Variants in XIRP2 observed in about 807,000 individuals in gnomAD.
XIRP2 encodes the protein xin actin binding repeat containing 2, also known as xin actin-binding repeat-containing protein 2.
Under a neutral mutation model 277.0 loss-of-function variants are expected in XIRP2, and 236 were observed. The observed-to-expected ratio is 0.85, with a 90% CI of 0.77 to 0.95. The LOEUF (loss-of-function observed/expected upper bound fraction) is 0.95, where lower values mean the gene tolerates loss of function less well. Ranked by LOEUF, XIRP2 falls within the 40% of genes least tolerant of loss-of-function variation. XIRP2 has a pLI of 0.00. For missense variants in XIRP2, 4,640 were observed against 4,157.5 expected (o/e 1.12, Z -3.19); for synonymous variants, 1,490 against 1,416.5 (o/e 1.05, Z -1.17).
At chr2:167,082,731 T>A (rs1366706710) in intron 2 of XIRP2, among the ~76,000 whole-genome samples, 7 of 152,382 alleles carry the variant, frequency 4.6e-5, no homozygotes, top group Admixed American at 1.3e-4. Context: ...TTTGGCTGCA[T>A]AAATGTCTTC....
chr2:167,048,448 AATATC>A (rs1225882550), intron 2 of XIRP2, among the ~76,000 whole-genome samples: 3 of 152,116 alleles, frequency 2.0e-5, no homozygotes, highest in Non-Finnish European at 4.4e-5. Flanking sequence ...CTAATAATCC[AATATC>A]AAGGTCACTT....
chr2:167,191,791 G>T (rs1693345204), intron 3 of XIRP2, among the ~76,000 whole-genome samples: 1 of 152,136 alleles, frequency 6.6e-6, no homozygotes, highest in Non-Finnish European at 1.5e-5. Flanking sequence ...CGAATAGTAT[G>T]CAGATTATAT....
At chr2:166,909,061 G>A (rs1013873676) in intron 2 of XIRP2, among the ~76,000 whole-genome samples, 22 of 152,132 alleles carry the variant, frequency 1.4e-4, no homozygotes, top group Non-Finnish European at 3.1e-4. Flanking sequence ...GATGCCTCCA[G>A]CTTTGTTCTT....
intron 2 of XIRP2, among the ~76,000 whole-genome samples, chr2:167,025,406 C>T (rs986813960): frequency 1.6e-4 from 24 of 152,128 alleles, no homozygotes; most frequent in Admixed American, 6.6e-5. Flanking sequence ...AAAAAACCAG[C>T]TGCTGGATTC....
chr2:167,184,601 A>G, intron 3 of XIRP2: 2 of 717,460 alleles, frequency 2.8e-6, no homozygotes, highest in Non-Finnish European at 5.2e-6. Flanking sequence ...AAAATTGACA[A>G]AGACCCCCAA....
At chr2:167,086,145 C>G (rs960000351) in intron 2 of XIRP2, among the ~76,000 whole-genome samples, 4 of 151,948 alleles carry the variant, frequency 2.6e-5, no homozygotes, top group African/African-American at 9.7e-5. Flanking sequence ...CTGGTGGTGA[C>G]AAAATCTCTC....
At chr2:167,210,592 C>T in intron 3 of XIRP2, 143 bp from the exon 4 acceptor site, 1 of 1,161,744 alleles carries the variant, frequency 8.6e-7, no homozygotes, top group Non-Finnish European at 1.2e-6. Flanking sequence ...AAGGAGATGA[C>T]CATGAGACAT....
intron 2 of XIRP2, among the ~76,000 whole-genome samples, chr2:167,061,350 T>G (rs1689169610): frequency 6.6e-6 from 1 of 152,174 alleles, no homozygotes; most frequent in Admixed American, 6.6e-5. Context: ...TTCTTTGCTT[T>G]GCCTTATTGC....
intron 3 of XIRP2, among the ~76,000 whole-genome samples, chr2:167,140,255 A>G (rs144403251): frequency 5.9e-5 from 9 of 152,320 alleles, no homozygotes; most frequent in Non-Finnish European, 8.8e-5. Flanking sequence ...GAGGCTTTGC[A>G]TTCTTTTTTC....
At chr2:167,022,238 C>T (rs1688003989) in intron 2 of XIRP2, among the ~76,000 whole-genome samples, 1 of 151,910 alleles carries the variant, frequency 6.6e-6, no homozygotes, top group Non-Finnish European at 1.5e-5. Flanking sequence ...CCTAAGACAA[C>T]GTCTATACCT....
At chr2:167,235,553 A>G (rs1438658583) in intron 5 of XIRP2, among the ~76,000 whole-genome samples, 1 of 151,930 alleles carries the variant, frequency 6.6e-6, no homozygotes, top group Non-Finnish European at 1.5e-5. Context: ...TGTGATAGAC[A>G]GAGTTCTGTT....
intron 2 of XIRP2, among the ~76,000 whole-genome samples, chr2:166,965,491 CAG>C (rs1315365287): frequency 1.3e-5 from 2 of 151,920 alleles, no homozygotes; most frequent in South Asian, 2.1e-4. Context: ...GAGAATATGA[CAG>C]AGTCACCTTT....
intron 4 of XIRP2, among the ~76,000 whole-genome samples, chr2:167,217,296 G>GA (rs959273664): frequency 1.4e-5 from 2 of 141,270 alleles, no homozygotes; most frequent in African/African-American, 5.5e-5. Context: ...AAAAAAAAAA[G>GA]AAAAAAAAAT....
At chr2:166,978,046 T>C (rs1218627023) in intron 2 of XIRP2, among the ~76,000 whole-genome samples, 1 of 152,188 alleles carries the variant, frequency 6.6e-6, no homozygotes, top group Non-Finnish European at 1.5e-5. Flanking sequence ...ATGTGTGTGA[T>C]TGTGTTTATG....
At chr2:167,120,279 G>A (rs1467294662) in intron 2 of XIRP2, among the ~76,000 whole-genome samples, 1 of 152,154 alleles carries the variant, frequency 6.6e-6, no homozygotes, top group Non-Finnish European at 1.5e-5. Context: ...CTAGCAGACA[G>A]CATAGTCGCC....
chr2:166,956,136 A>G (rs758123556), intron 2 of XIRP2, among the ~76,000 whole-genome samples: 3 of 151,722 alleles, frequency 2.0e-5, no homozygotes, highest in Non-Finnish European at 4.4e-5. Flanking sequence ...TGGGAGAGAG[A>G]AAGTGACACA....
chr2:166,946,441 CTGAT>C (rs1206347400), intron 2 of XIRP2, among the ~76,000 whole-genome samples: 1 of 152,084 alleles, frequency 6.6e-6, no homozygotes, highest in Non-Finnish European at 1.5e-5. Context: ...TTTTGTTACT[CTGAT>C]TGTTTGAGTT....
chr2:167,109,889 C>G (rs1690707501), intron 2 of XIRP2, among the ~76,000 whole-genome samples: 2 of 151,996 alleles, frequency 1.3e-5, no homozygotes, highest in Non-Finnish European at 2.9e-5. Context: ...GATGGTATCT[C>G]TTTGTGGTTT....
intron 2 of XIRP2, among the ~76,000 whole-genome samples, chr2:166,972,039 AG>A (rs2105421203): frequency 6.6e-6 from 1 of 152,268 alleles, no homozygotes; most frequent in African/African-American, 2.4e-5. Flanking sequence ...GGATATTTAG[AG>A]GTAGAACCAT....
Sources: gnomAD v4.1 joint callset for allele counts (sites outside exome capture counted in the v4.1 genomes callset) on GRCh38, gnomAD v4.1.1 for gene constraint, MANE v1.5 for transcripts, NCBI Gene and HGNC (gene_info 2026-07-23, HGNC 2026-07-21) for gene names.